Variants in DNAH6 observed in about 807,000 individuals in gnomAD.
DNAH6 encodes dynein axonemal heavy chain 6, also known as axonemal beta dynein heavy chain 6.
A neutral mutation model predicts 491.4 loss-of-function variants in DNAH6; 340 were observed. That is an observed-to-expected ratio of 0.69 (90% CI 0.63 to 0.76). DNAH6 has a LOEUF of 0.76. DNAH6 is among the 30% of genes least tolerant of loss of function. The probability of loss-of-function intolerance (pLI) is 0.00; values close to 1 mark genes in which losing one functional copy is unlikely to be tolerated. For synonymous variants in DNAH6, 1,603 were observed against 1,686.1 expected, an observed-to-expected ratio of 0.95 and a Z score of 1.21; for missense variants, 4,443 against 4,972.2, an observed-to-expected ratio of 0.89 and a Z score of 3.20.
intron 63 of DNAH6, among the ~76,000 whole-genome samples, chr2:84,752,758 T>C (rs1480453950): frequency 6.6e-5 from 10 of 152,222 alleles, no homozygotes; most frequent in Admixed American, 5.9e-4. Context: ...TTCCCTTTTA[T>C]TGCAAATAAT....
At chr2:84,636,913 T>A (rs1306511643) in intron 30 of DNAH6, among the ~76,000 whole-genome samples, 4 of 149,684 alleles carry the variant, frequency 2.7e-5, no homozygotes, top group Admixed American at 6.6e-5. Flanking sequence ...AAATAGAAAG[T>A]TGAATTGAAG....
chr2:84,726,455 C>T (rs1418054871), intron 60 of DNAH6, among the ~76,000 whole-genome samples: 2 of 152,190 alleles, frequency 1.3e-5, no homozygotes, highest in East Asian at 1.9e-4. Context: ...CCTCACGCAG[C>T]TTGGGACCTT....
intron 37 of DNAH6, among the ~76,000 whole-genome samples, chr2:84,665,823 C>T (rs1253256046): frequency 6.6e-6 from 1 of 152,144 alleles, no homozygotes; most frequent in East Asian, 1.9e-4. Flanking sequence ...GACCAATATC[C>T]CTGATGAACA....
chr2:84,689,125 T>C (rs1367775445), intron 45 of DNAH6, among the ~76,000 whole-genome samples: 3 of 152,212 alleles, frequency 2.0e-5, no homozygotes, highest in Non-Finnish European at 4.4e-5. Flanking sequence ...ACAGTTCTAA[T>C]GCTAAAATGA....
Position 84,624,277 on chromosome 2 carries a change from C to G in DNAH6, c.4084C>G (p.Leu1362Val). Residue 1362 changes from leucine (L) to valine (V), a missense_variant, in exon 27 of 77, where the codon CTA becomes GTA. This residue lies in a region of DNAH6 where 2,977 missense variants were observed against 3,296.6 expected (regional missense o/e 0.90). Transcript: ENST00000389394. ...TTTTTATTTGTAGAGATTAAATGCCCTAGCTGCAATAGTTCAAGGCAGTCT... is the reference window on the plus strand; with the variant it reads ...TTTTTATTTGTAGAGATTAAATGCCGTAGCTGCAATAGTTCAAGGCAGTCT... The part of the protein sequence containing the change: ...EKVNFERLNA[L>V]AAIVQGSLPK... 6.5e-7 allele frequency: 1 copy of G among 1,547,438 alleles called. No homozygotes were observed.
intron 31 of DNAH6, among the ~76,000 whole-genome samples, chr2:84,638,995 T>C (rs1171003315): frequency 6.6e-6 from 1 of 152,108 alleles, no homozygotes; most frequent in African/African-American, 2.4e-5. Context: ...GGATCAAGGA[T>C]CCACCCCCAT....
intron 63 of DNAH6, among the ~76,000 whole-genome samples, chr2:84,758,646 A>G (rs2105112931): frequency 6.6e-6 from 1 of 152,348 alleles, no homozygotes; most frequent in African/African-American, 2.4e-5. Context: ...AACGTATGCA[A>G]ATCAATAAAT....
At chr2:84,769,715 T>C (rs574447043) in intron 64 of DNAH6, among the ~76,000 whole-genome samples, 1 of 152,268 alleles carries the variant, frequency 6.6e-6, no homozygotes, top group African/African-American at 2.4e-5. Context: ...CTGGAAGATT[T>C]TGTCAAAATT....
chr2:84,807,333 T>A (rs1319392554), intron 71 of DNAH6, among the ~76,000 whole-genome samples: 2 of 152,192 alleles, frequency 1.3e-5, no homozygotes, highest in Non-Finnish European at 2.9e-5. Context: ...TTACACATAC[T>A]TTTCTCAAAT....
chr2:84,751,323 G>A (rs1328204968), intron 63 of DNAH6: 1 of 152,204 alleles, frequency 6.6e-6, no homozygotes, highest in Non-Finnish European at 1.5e-5. Context: ...GTTGTTTCCA[G>A]GTCTGTTCAC....
chr2:84,771,326 A>G (rs1675585821), intron 64 of DNAH6, among the ~76,000 whole-genome samples: 1 of 151,950 alleles, frequency 6.6e-6, no homozygotes, highest in Admixed American at 6.6e-5. Flanking sequence ...AGAACCTAAG[A>G]TACCTGAGAG....
Position 84,672,357 on chromosome 2 carries a change from T to C in DNAH6, c.6485T>C (p.Phe2162Ser), listed in dbSNP as rs1376927577. ...CCGGGAAACAAACGAATTGTGATTT[T>C]TGTTGATGATTTAAACATGCCCAGA... ...GAPGNKRIVI[F>S]VDDLNMPRLD... Residue 2162 changes from phenylalanine (F) to serine (S), a missense_variant, in exon 40 of 77, where the codon TTT (phenylalanine) becomes TCT (serine). Around this residue, in one of 3 missense-constraint regions of DNAH6, gnomAD observed 2,977 missense variants for 3,296.6 expected, o/e 0.90. Transcript: ENST00000389394. The C allele has an allele frequency of 6.4e-7, 1 of 1,550,516 alleles. No homozygotes were observed. Among genetic ancestry groups the C allele is most frequent in the South Asian group, 1.2e-5 (1 of 83,684 alleles).
intron 18 of DNAH6, among the ~76,000 whole-genome samples, chr2:84,599,219 G>A (rs1684984506): frequency 7.8e-6 from 1 of 128,266 alleles, no homozygotes; most frequent in Non-Finnish European, 1.7e-5. Flanking sequence ...CATATATTCT[G>A]CATAAAAGTT....
intron 52 of DNAH6, 68 bp from the exon 53 acceptor site, chr2:84,706,828 T>C: frequency 6.7e-7 from 1 of 1,483,382 alleles, no homozygotes; most frequent in South Asian, 1.4e-5. Flanking sequence ...TTTTTAGATC[T>C]GTATTATTAA....
the DNAH6 span, among the ~76,000 whole-genome samples, chr2:84,485,467 A>C: frequency 2.6e-5 from 4 of 152,086 alleles, no homozygotes; most frequent in Non-Finnish European, 4.4e-5. Context: ...GGGGACAGTA[A>C]AGAAGTGATT....
chr2:84,503,839 T>C, the DNAH6 span, among the ~76,000 whole-genome samples: 1 of 152,168 alleles, frequency 6.6e-6, no homozygotes, highest in African/African-American at 2.4e-5. Flanking sequence ...TTCTTTATCC[T>C]TGACCTTTGG....
At chr2:84,697,771 T>A (rs1195899217) in intron 47 of DNAH6, 44 bp downstream of exon 47, 1 of 1,547,982 alleles carries the variant, frequency 6.5e-7, no homozygotes, top group Non-Finnish European at 8.7e-7. Flanking sequence ...CACAAAAACG[T>A]TTCTTCACCT....
At chr2:84,495,817 C>T in the DNAH6 span, among the ~76,000 whole-genome samples, 1 of 152,132 alleles carries the variant, frequency 6.6e-6, no homozygotes, top group East Asian at 1.9e-4. Flanking sequence ...TAAGAGTGCC[C>T]CACTTGCAGA....
chr2:84,669,515 G>A lies in DNAH6; in HGVS notation c.6306+5G>A. On this transcript the variant is annotated splice_donor_5th_base_variant and intron_variant, in intron 38 of 76. Transcript: ENST00000389394. ...GGAATAACTGGAGTGGGCAAGGTAG[G>A]AAACTTACATCAAACAAGAAGTCCT... 1 of 1,550,960 alleles carries A rather than the reference G, an allele frequency of 6.4e-7. No individual in the cohort carries two copies. The highest frequency in any genetic ancestry group is 8.7e-7 in the Non-Finnish European group (1 of 1,146,392).
Sources: allele counts gnomAD v4.1 joint callset (sites outside exome capture counted in the v4.1 genomes callset), GRCh38; gene constraint gnomAD v4.1.1; regional missense constraint gnomAD v4.1.1; transcripts MANE v1.5; gene names NCBI Gene and HGNC (gene_info 2026-07-23, HGNC 2026-07-21).